AGMO: variants seen among roughly 807,000 people sequenced by gnomAD.
The protein encoded by AGMO is glyceryl-ether monooxygenase.
In AGMO, 75 loss-of-function variants were observed where a neutral mutation model predicts 60.2. The observed-to-expected ratio is 1.25, with a 90% CI of 1.03 to 1.51. AGMO has a LOEUF of 1.51. Among genes scored for constraint, AGMO ranks in the 40% most tolerant of loss-of-function variants. The pLI is 0.00. For synonymous variants in AGMO, 261 were observed against 177.1 expected (o/e 1.47, Z -3.76); for missense variants, 763 against 525.5 (o/e 1.45, Z -4.42).
chr7:15,118,603 G>A, the AGMO span, among the ~76,000 whole-genome samples: 2 of 152,046 alleles, frequency 1.3e-5, no homozygotes, highest in Non-Finnish European at 2.9e-5. Context: ...TATCTTCCGT[G>A]TAGGTATGTT....
At chr7:15,368,096 G>C (rs1783054754) in intron 10 of AGMO, among the ~76,000 whole-genome samples, 1 of 151,928 alleles carries the variant, frequency 6.6e-6, no homozygotes, top group Middle Eastern at 3.2e-3. Context: ...GAAGAGTATT[G>C]CTGAGTGGTC....
Position 15,438,889 on chromosome 7 carries a change from G to A in AGMO, c.410-7781C>T, listed in dbSNP as rs1583553580. 2.0e-5 allele frequency among the ~76,000 whole-genome samples: 3 copies of A among 152,294 alleles called. No individual in the cohort carries two copies. The South Asian group carries it at 6.2e-4, about 32-fold the overall frequency. On this transcript the variant is annotated intron_variant, in intron 3 of 12. Transcript: ENST00000342526. ...TATTAATTTGTTGTTATTAATACATGTGAATGTGATGCAATAACCACAAAT... is the reference window on the plus strand; with the variant it reads ...TATTAATTTGTTGTTATTAATACATATGAATGTGATGCAATAACCACAAAT...
At chr7:15,216,961 A>G (rs1583299068) in intron 12 of AGMO, among the ~76,000 whole-genome samples, 1 of 152,104 alleles carries the variant, frequency 6.6e-6, no homozygotes, top group African/African-American at 2.4e-5. Flanking sequence ...GGACTTCCAT[A>G]AAGTGTCCTA....
intron 12 of AGMO, among the ~76,000 whole-genome samples, chr7:15,308,390 G>A (rs980428543): frequency 6.6e-6 from 1 of 151,910 alleles, no homozygotes. Context: ...CACCTCATTT[G>A]AGAAGACTTT....
intron 3 of AGMO, among the ~76,000 whole-genome samples, chr7:15,505,660 A>G (rs1242386556): frequency 6.6e-6 from 1 of 152,026 alleles, no homozygotes; most frequent in African/African-American, 2.4e-5. Context: ...CATGAACATA[A>G]CAAGTGTGAC....
chr7:15,367,353 T>C (rs1018079307), intron 10 of AGMO, among the ~76,000 whole-genome samples: 1 of 152,052 alleles, frequency 6.6e-6, no homozygotes, highest in Non-Finnish European at 1.5e-5. Context: ...TAATGTTTAT[T>C]GAACATCTAC....
chr7:15,354,482 GTATATACACACGTGTATA>G (rs1782431575), intron 12 of AGMO, among the ~76,000 whole-genome samples: 2 of 14,118 alleles, frequency 1.4e-4, no homozygotes, highest in African/African-American at 2.6e-4. Context: ...ACACACGTGT[GTATATACACACGTGTATA>G]TATATATATA....
At chr7:15,545,387 A>T (rs1372339878) in intron 2 of AGMO, among the ~76,000 whole-genome samples, 2 of 152,110 alleles carry the variant, frequency 1.3e-5, no homozygotes, top group African/African-American at 4.8e-5. Context: ...GCATTCAAAT[A>T]TTTTGATCCC....
intron 12 of AGMO, among the ~76,000 whole-genome samples, chr7:15,347,621 A>AC (rs1782081315): frequency 6.6e-6 from 1 of 151,728 alleles, no homozygotes; most frequent in African/African-American, 2.4e-5. Context: ...TCCCAAAAAA[A>AC]ATGTGGGCGC....
At chr7:15,304,496 G>A (rs1475245968) in intron 12 of AGMO, among the ~76,000 whole-genome samples, 1 of 152,048 alleles carries the variant, frequency 6.6e-6, no homozygotes, top group Non-Finnish European at 1.5e-5. Flanking sequence ...AAATGGTGGT[G>A]ATTTAGGGTT....
At chr7:15,158,684 A>C in the AGMO span, among the ~76,000 whole-genome samples, 17 of 152,288 alleles carry the variant, frequency 1.1e-4, no homozygotes, top group Admixed American at 9.8e-4. Context: ...CATAAAGCAG[A>C]ATCGTTCAGT....
intron 3 of AGMO, among the ~76,000 whole-genome samples, chr7:15,489,060 A>G (rs572864086): frequency 3.3e-5 from 5 of 152,186 alleles, no homozygotes; most frequent in Non-Finnish European, 5.9e-5. Context: ...ATCATATACT[A>G]TATCTTCAAA....
intron 12 of AGMO, among the ~76,000 whole-genome samples, chr7:15,353,759 G>GT (rs1293722235): frequency 1.3e-5 from 2 of 152,076 alleles, no homozygotes; most frequent in African/African-American, 4.8e-5. Flanking sequence ...CTTGAACAAA[G>GT]TATTATTTGC....
At chr7:15,441,531 A>G (rs10279546) in intron 3 of AGMO, among the ~76,000 whole-genome samples, 13,711 of 152,146 alleles carry the variant, frequency 0.09, 1,206 homozygotes, top group African/African-American at 0.23. Context: ...CAAAGTATTT[A>G]ATGACATATA....
rs184213703 is a variant in AGMO, at chr7:15,271,704, T to C, written c.1264-70345A>G. On this transcript the variant is annotated intron_variant, in intron 12 of 12. Coordinates refer to ENST00000342526, the MANE Select transcript of AGMO (RefSeq NM_001004320.2). The stretch of plus-strand genomic sequence containing the variant: ...TATAGCTAAGACTTCCAGTACTATG[T>C]TGAATAGAAGTTGTGAAAGTGGACA... 3.4e-4 allele frequency among the ~76,000 whole-genome samples: 52 copies of C among 152,338 alleles called. 1 individual carries two copies. The South Asian group carries it at 8.3e-3, about 24-fold the overall frequency.
At chr7:15,395,294 G>T (rs1000006026) in intron 5 of AGMO, among the ~76,000 whole-genome samples, 2 of 152,120 alleles carry the variant, frequency 1.3e-5, no homozygotes. Flanking sequence ...ACATTGATAT[G>T]AATTTGATAA....
At chr7:15,492,092 A>C (rs1286076315) in intron 3 of AGMO, among the ~76,000 whole-genome samples, 1 of 152,198 alleles carries the variant, frequency 6.6e-6, no homozygotes, top group Non-Finnish European at 1.5e-5. Context: ...TAATTTCTAA[A>C]GTGGTTTCAA....
intron 3 of AGMO, among the ~76,000 whole-genome samples, chr7:15,469,584 G>A (rs1258671047): frequency 6.6e-6 from 1 of 152,038 alleles, no homozygotes; most frequent in African/African-American, 2.4e-5. Context: ...AAATAGAACA[G>A]TAGAAATCAA....
At chr7:15,317,005 C>T (rs1780946270) in intron 12 of AGMO, among the ~76,000 whole-genome samples, 1 of 152,164 alleles carries the variant, frequency 6.6e-6, no homozygotes, top group Non-Finnish European at 1.5e-5. Context: ...GGAAATGCAT[C>T]AAGCATATCC....
Sources: allele counts gnomAD v4.1 joint callset (sites outside exome capture counted in the v4.1 genomes callset), GRCh38; gene constraint gnomAD v4.1.1; transcripts MANE v1.5; gene names NCBI Gene and HGNC (gene_info 2026-07-23, HGNC 2026-07-21).